The following NBPF12 variants were observed in gnomAD, a reference collection of about 807,000 sequenced individuals.
The protein encoded by NBPF12 is NBPF member 12.
NBPF12 carries 115 observed loss-of-function variants against 146.4 expected under a neutral mutation model. The observed-to-expected ratio is 0.79, with a 90% CI of 0.68 to 0.92. The LOEUF (loss-of-function observed/expected upper bound fraction) is 0.92, where lower values mean the gene tolerates loss of function less well. NBPF12 is among the 40% of genes least tolerant of loss of function. The pLI, the probability that NBPF12 is intolerant of heterozygous loss-of-function variation, is 0.00. For missense variants in NBPF12, 1,205 were observed against 1,326.8 expected (o/e 0.91, Z 1.43); for synonymous variants, 385 against 508.9 (o/e 0.76, Z 3.28).
chr1:146,945,899 A>T (rs1287188806), upstream of NBPF12, among the ~76,000 whole-genome samples: 1 of 151,888 alleles, frequency 6.6e-6, no homozygotes, highest in Non-Finnish European at 1.5e-5. Context: ...ATACAGCATC[A>T]TGCAAAATAG....
upstream of NBPF12, among the ~76,000 whole-genome samples, chr1:146,946,072 G>A (rs1226930123): frequency 4.2e-4 from 64 of 152,014 alleles, 1 homozygote; most frequent in African/African-American, 1.5e-3. Flanking sequence ...CTTCTTTCTA[G>A]CATTATGTAC....
chr1:146,972,910 G>C, exon 14 of NBPF12: 1 of 1,020,980 alleles, frequency 9.8e-7, no homozygotes, highest in East Asian at 2.4e-5. Flanking sequence ...AAAGAGAAAT[G>C]TTTTGTAACT....
chr1:146,963,005 A>T (rs1429553555), intron 5 of NBPF12, 90 bp from the exon 9 acceptor site: 36 of 1,331,530 alleles, frequency 2.7e-5, no homozygotes, highest in Middle Eastern at 2.5e-4. Context: ...GGTCTCCTTG[A>T]GAACATTGTC....
At chr1:146,965,685 A>G (rs1656146087) in intron 8 of NBPF12, among the ~76,000 whole-genome samples, 1 of 146,066 alleles carries the variant, frequency 6.8e-6, no homozygotes, top group African/African-American at 2.5e-5. Context: ...CCAGCTACTC[A>G]GGAGGCTGAG....
intron 8 of NBPF12, among the ~76,000 whole-genome samples, chr1:146,965,935 C>G (rs1170670622): frequency 1.3e-5 from 2 of 151,188 alleles, no homozygotes; most frequent in Non-Finnish European, 2.9e-5. Context: ...TGGCGAAACC[C>G]CATCTCTACT....
chr1:146,964,647 C>T (rs1423120865), intron 7 of NBPF12, among the ~76,000 whole-genome samples: 2 of 151,962 alleles, frequency 1.3e-5, no homozygotes, highest in African/African-American at 4.9e-5. Flanking sequence ...GCTGAGTCTT[C>T]ATCCTCCTCA....
exon 13 of NBPF12, chr1:146,971,377 C>A (rs1280710088): frequency 6.2e-7 from 1 of 1,610,848 alleles, no homozygotes; most frequent in African/African-American, 1.4e-5. Flanking sequence ...TGTCAGGATG[C>A]TCTAAACATT....
intron 14 of NBPF12, among the ~76,000 whole-genome samples, chr1:146,973,571 C>G (rs1267731388): frequency 7.4e-5 from 11 of 149,056 alleles, no homozygotes; most frequent in African/African-American, 2.0e-4. Context: ...GAGTAGAGCA[C>G]GAGGTCAGGA....
At chr1:146,959,241 C>T (rs1315236629) in intron 2 of NBPF12, among the ~76,000 whole-genome samples, 1 of 59,480 alleles carries the variant, frequency 1.7e-5, no homozygotes, top group Non-Finnish European at 3.1e-5. Flanking sequence ...TTTTGGAGGC[C>T]GAGGCGGCAG....
intron 2 of NBPF12, among the ~76,000 whole-genome samples, chr1:146,956,296 T>C (rs1284800752): frequency 6.6e-6 from 1 of 151,894 alleles, no homozygotes; most frequent in Non-Finnish European, 1.5e-5. Context: ...TAGAAAATGG[T>C]TAAAAATGCA....
chr1:146,963,691 C>CT (rs1656010648), intron 6 of NBPF12, among the ~76,000 whole-genome samples: 1 of 151,628 alleles, frequency 6.6e-6, no homozygotes, highest in Non-Finnish European at 1.5e-5. Context: ...AGTGATTTAT[C>CT]TTTCCAGAGT....
intron 1 of NBPF12, 118 bp from the exon 5 acceptor site, chr1:146,951,230 A>G (rs1224404106): frequency 1.5e-6 from 1 of 649,928 alleles, no homozygotes; most frequent in African/African-American, 1.8e-5. Flanking sequence ...CTCTCAGGCC[A>G]CACAGGGCAC....
chr1:146,938,448 G>A (rs1246527929), upstream of NBPF12, among the ~76,000 whole-genome samples: 1,840 of 152,228 alleles, frequency 0.012, 49 homozygotes, highest in African/African-American at 0.043. Flanking sequence ...TCAAGTGGCC[G>A]GGGAAATCGG....
chr1:146,975,279 G>A lies in NBPF12; in HGVS notation c.1905-398G>A, dbSNP rs1400802154. On this transcript the variant is annotated intron_variant, in intron 15 of 33. Coordinates refer to ENST00000617844, the Ensembl canonical transcript of NBPF12. ...TTTTCTTCTTTCGTCTTTTCAATTCGCCCTATCTGCATCTGGCCTCATTTC... is the reference window on the plus strand; with the variant it reads ...TTTTCTTCTTTCGTCTTTTCAATTCACCCTATCTGCATCTGGCCTCATTTC... Among the ~76,000 whole-genome samples the A allele has an allele frequency of 1.3e-4, 17 of 128,282 alleles. 1 individual carries two copies. The highest frequency in any genetic ancestry group is 2.9e-4 in the African/African-American group (9 of 31,340). The allele number at this position is 128,282 out of a possible 152,430, so 84.2% of individuals were successfully genotyped here. A position where few individuals can be genotyped will look rare whatever the true frequency, so the allele number is the denominator to read the frequency against.
chr1:146,960,869 C>T (rs1433198132), intron 4 of NBPF12, among the ~76,000 whole-genome samples: 36,996 of 151,414 alleles, frequency 0.24, 4,802 homozygotes, highest in South Asian at 0.47. Flanking sequence ...GAGTAGGGGC[C>T]GTGCAGCATG....
At chr1:146,941,468 A>G (rs1330101229) in intron 1 of NBPF12, among the ~76,000 whole-genome samples, 2 of 148,832 alleles carry the variant, frequency 1.3e-5, no homozygotes, top group African/African-American at 5.0e-5. Flanking sequence ...TAAGAAATCA[A>G]TGCCTGGCCA....
At chr1:146,966,532 A>G in exon 9 of NBPF12, 1 of 1,478,254 alleles carries the variant, frequency 6.8e-7, no homozygotes, top group Non-Finnish European at 9.4e-7. Context: ...GTCCAGCGAG[A>G]AGGCAGAGAT....
chr1:146,965,371 G>A lies in NBPF12; in HGVS notation c.778+267G>A, dbSNP rs1174424099. ...AAAAATTAGGCAGTCATGGTGCTGCGTGCCTATAGTCCCAACTGCTCAGGA... is the reference window on the plus strand; with the variant it reads ...AAAAATTAGGCAGTCATGGTGCTGCATGCCTATAGTCCCAACTGCTCAGGA... On this transcript the variant is annotated intron_variant, in intron 8 of 33. Coordinates refer to ENST00000617844, the Ensembl canonical transcript of NBPF12. Among the ~76,000 whole-genome samples the A allele has an allele frequency of 2.4e-4, 37 of 151,420 alleles. 1 individual carries two copies. The South Asian group carries it at 6.3e-3, about 26-fold the overall frequency.
exon 9 of NBPF12, chr1:146,966,522 G>A: frequency 6.7e-7 from 1 of 1,484,334 alleles, no homozygotes; most frequent in Non-Finnish European, 9.4e-7. Context: ...CCGGCCCTTT[G>A]TCCAGCGAGA....
Sources: allele counts gnomAD v4.1 joint callset (sites outside exome capture counted in the v4.1 genomes callset), GRCh38; gene constraint gnomAD v4.1.1; transcripts MANE v1.5; gene names NCBI Gene and HGNC (gene_info 2026-07-23, HGNC 2026-07-21).